LMLN: variants seen among roughly 807,000 people sequenced by gnomAD.
LMLN encodes the protein leishmanolysin-like peptidase.
In LMLN, 70 loss-of-function variants were observed where a neutral mutation model predicts 92.3. The observed-to-expected ratio is 0.76, with a 90% CI of 0.63 to 0.92. The LOEUF is 0.92. LMLN is among the 40% of genes least tolerant of loss of function. The pLI is 0.00. For synonymous variants in LMLN, 308 were observed against 296.2 expected, an observed-to-expected ratio of 1.04 and a Z score of -0.41; for missense variants, 691 against 814.6, an observed-to-expected ratio of 0.85 and a Z score of 1.85.
intron 6 of LMLN, among the ~76,000 whole-genome samples, chr3:197,980,979 C>T (rs1378979888): frequency 2.0e-5 from 3 of 151,894 alleles, no homozygotes; most frequent in Non-Finnish European, 2.9e-5. Context: ...GGCATGCACC[C>T]GTGGTCCCAG....
chr3:197,975,884 C>G (rs1209314209), intron 3 of LMLN, 145 bp from the exon 4 acceptor site: 3 of 538,784 alleles, frequency 5.6e-6, no homozygotes, highest in African/African-American at 2.0e-5. Flanking sequence ...TCTTCCTACC[C>G]CTTGCCATAC....
Position 198,042,536 on chromosome 3 carries a change from AGAC to A in LMLN, c.*3872_*3874del, listed in dbSNP as rs1466350875. On this transcript the variant is annotated 3_prime_UTR_variant, in exon 16 of 16. Transcript: ENST00000330198. The surrounding 1 kb of genome is among the most constrained non-coding windows in gnomAD (Gnocchi z 4.2). ...CAGGTTATACCCTTCATGTTAGCAA[AGAC>A]GAAGCCACGTCGCTGTGTTAAGAGG... is the stretch of plus-strand genomic sequence containing the variant. 1.3e-5 allele frequency: 2 copies of A among 152,344 alleles called. No homozygotes were observed. Among genetic ancestry groups the A allele is most frequent in the Non-Finnish European group, 2.9e-5 (2 of 68,024 alleles). The allele number at this position is 152,344 out of a possible 1,614,324, so 9.4% of individuals were successfully genotyped here.
At chr3:197,978,278 G>A (rs1267207456) in intron 5 of LMLN, among the ~76,000 whole-genome samples, 1 of 152,162 alleles carries the variant, frequency 6.6e-6, no homozygotes, top group Non-Finnish European at 1.5e-5. Flanking sequence ...TCTTTCATAA[G>A]TTATGGAGAT....
chr3:198,031,309 C>T lies in LMLN; in HGVS notation c.1657-4524C>T, dbSNP rs912217920. Among the ~76,000 whole-genome samples, 2 of 152,244 alleles carry T rather than the reference C, an allele frequency of 1.3e-5. No homozygotes were observed. The highest frequency in any genetic ancestry group is 1.9e-4 in the East Asian group (1 of 5,180). ...ACCAAATTCTTTGGCTTTGACTCCC[C>T]ATATTGGTGATAAAAATGTTTGTTT... On this transcript the variant is annotated intron_variant, in intron 14 of 15. Coordinates refer to ENST00000330198, the Ensembl canonical transcript of LMLN. This position sits in a 1 kb window ranked among gnomAD's most constrained non-coding sequence, Gnocchi z 4.8.
chr3:198,011,275 C>G (rs1472836338), intron 11 of LMLN, among the ~76,000 whole-genome samples: 1 of 146,842 alleles, frequency 6.8e-6, no homozygotes, highest in African/African-American at 2.5e-5. Context: ...CCTCCTCACT[C>G]CCCCCACCCC....
intron 5 of LMLN, among the ~76,000 whole-genome samples, chr3:197,979,840 G>A (rs768160955): frequency 1.3e-5 from 2 of 152,150 alleles, no homozygotes; most frequent in African/African-American, 4.8e-5. Context: ...AACAAGGGGA[G>A]ATGACTCATA....
chr3:198,007,910 A>T (rs777296619), intron 11 of LMLN, among the ~76,000 whole-genome samples: 1 of 152,206 alleles, frequency 6.6e-6, no homozygotes, highest in African/African-American at 2.4e-5. Flanking sequence ...GTAGCTGTCT[A>T]TTCCTGTGTT....
At chr3:197,970,663 A>G (rs1721198098) in intron 1 of LMLN, among the ~76,000 whole-genome samples, 2 of 152,216 alleles carry the variant, frequency 1.3e-5, no homozygotes, top group African/African-American at 4.8e-5. Flanking sequence ...CATAAACCAT[A>G]TTGTTTCTGC....
intron 14 of LMLN, among the ~76,000 whole-genome samples, chr3:198,034,576 A>T (rs1723160757): frequency 6.6e-6 from 1 of 152,182 alleles, no homozygotes; most frequent in Non-Finnish European, 1.5e-5. Context: ...ATGCCACTGC[A>T]CTCCAGCCTG....
chr3:197,978,422 C>T (rs1404016556), intron 5 of LMLN, among the ~76,000 whole-genome samples: 1 of 152,004 alleles, frequency 6.6e-6, no homozygotes, highest in Non-Finnish European at 1.5e-5. Context: ...GATTGCTTGA[C>T]TCCGGGAGTT....
chr3:198,038,310 C>A lies in LMLN; in HGVS notation c.1868-257C>A, dbSNP rs555273658. Reference sequence around the variant, plus strand: ...GATCTTTATCTTTGCTGGGGTACTACCCCAAGGCAATTTTTTTTGGATACC... The same window carrying A: ...GATCTTTATCTTTGCTGGGGTACTAACCCAAGGCAATTTTTTTTGGATACC... On this transcript the variant is annotated intron_variant, in intron 15 of 15. Coordinates refer to ENST00000330198, the Ensembl canonical transcript of LMLN. 40 of 405,142 alleles carry A rather than the reference C, an allele frequency of 9.9e-5. No individual in the cohort carries two copies. In the South Asian group the frequency reaches 1.2e-3, roughly 12 times the overall value. 25.1% of individuals were successfully genotyped at this position (405,142 alleles called of 1,614,324 possible). A position where few individuals can be genotyped will look rare whatever the true frequency, so the allele number is the denominator to read the frequency against.
chr3:197,985,469 T>C (rs1721679570), intron 7 of LMLN, among the ~76,000 whole-genome samples: 1 of 152,020 alleles, frequency 6.6e-6, no homozygotes, highest in Non-Finnish European at 1.5e-5. Flanking sequence ...GTGTTCTTTA[T>C]GGTTTTAAAA....
chr3:197,982,997 G>A (rs1029256395), intron 6 of LMLN, among the ~76,000 whole-genome samples: 43 of 152,170 alleles, frequency 2.8e-4, no homozygotes, highest in African/African-American at 1.0e-3. Flanking sequence ...TCTTCCAAGT[G>A]CTGCAGGAAG....
chr3:198,017,760 TACAAAA>T (rs1296687853), intron 11 of LMLN, among the ~76,000 whole-genome samples: 8 of 151,970 alleles, frequency 5.3e-5, no homozygotes, highest in Non-Finnish European at 1.5e-5. Flanking sequence ...CTACTAAAAA[TACAAAA>T]ATTAGCTGGG....
At chr3:198,011,573 G>A (rs1467341717) in intron 11 of LMLN, among the ~76,000 whole-genome samples, 14 of 150,422 alleles carry the variant, frequency 9.3e-5, no homozygotes, top group East Asian at 3.9e-4. Flanking sequence ...GAATAGTGCC[G>A]CAATAAACAT....
Position 197,984,059 on chromosome 3 carries a change from G to A in LMLN, c.834+11G>A, listed in dbSNP as rs11720177. The stretch of plus-strand genomic sequence containing the variant: ...GTTATTCATGCCCTGGTAAATTCTA[G>A]CCTTACTGTTCTTTCCTTCATGCCT... On this transcript the variant is annotated intron_variant, in intron 7 of 15. Transcript: ENST00000330198. 5 of 1,538,874 alleles carry A rather than the reference G, an allele frequency of 3.2e-6. No homozygotes were observed. The Admixed American group carries it at 5.0e-5, about 15-fold the overall frequency.
intron 11 of LMLN, among the ~76,000 whole-genome samples, chr3:198,017,229 T>C (rs1031335212): frequency 1.3e-5 from 2 of 152,228 alleles, no homozygotes; most frequent in East Asian, 1.9e-4. Flanking sequence ...TTGTGAGGCA[T>C]TGAAATTCAG....
rs1299265121 is a variant in LMLN at position 198,031,938 on chromosome 3, C to T, written c.1657-3895C>T. Among the ~76,000 whole-genome samples the T allele has an allele frequency of 1.3e-5, 2 of 151,880 alleles. No homozygotes were observed. Among genetic ancestry groups the T allele is most frequent in the African/African-American group, 4.8e-5 (2 of 41,316 alleles). On this transcript the variant is annotated intron_variant, in intron 14 of 15. Transcript: ENST00000330198. The surrounding 1 kb of genome is among the most constrained non-coding windows in gnomAD (Gnocchi z 4.8). Reference sequence around the variant, plus strand: ...CCAACATGATGAAACCCCTCATCTACTAAAAATACAAAAATTAGCCCGGTG... The same window carrying T: ...CCAACATGATGAAACCCCTCATCTATTAAAAATACAAAAATTAGCCCGGTG...
chr3:197,979,270 A>G (rs1010304529), intron 5 of LMLN, among the ~76,000 whole-genome samples: 1 of 152,210 alleles, frequency 6.6e-6, no homozygotes, highest in Non-Finnish European at 1.5e-5. Flanking sequence ...TATTGCTTAC[A>G]CCTTAAAAAT....
Sources: allele counts gnomAD v4.1 joint callset (sites outside exome capture counted in the v4.1 genomes callset), GRCh38; gene constraint gnomAD v4.1.1; non-coding constraint Gnocchi (gnomAD v3.1); transcripts MANE v1.5; gene names NCBI Gene and HGNC (gene_info 2026-07-23, HGNC 2026-07-21).